DLGAP1: variants seen among roughly 807,000 people sequenced by gnomAD.
DLGAP1 encodes the protein disks large-associated protein 1.
Under a neutral mutation model 90.8 loss-of-function variants are expected in DLGAP1, and 11 were observed. The observed-to-expected ratio is 0.12, with a 90% CI of 0.08 to 0.20. DLGAP1 has a LOEUF of 0.20. Among genes scored for constraint, DLGAP1 ranks in the 10% least tolerant of loss-of-function variants. DLGAP1 has a pLI of 1.00. For synonymous variants in DLGAP1, 558 were observed against 540.7 expected (o/e 1.03, Z -0.44); for missense variants, 1,050 against 1,333.8 (o/e 0.79, Z 3.31).
chr18:4,012,864 A>G (rs896510302), intron 2 of DLGAP1, among the ~76,000 whole-genome samples: 1 of 151,872 alleles, frequency 6.6e-6, no homozygotes, highest in Non-Finnish European at 1.5e-5. Flanking sequence ...ATGGCCAGCT[A>G]ATTAAAAAGA....
chr18:4,216,932 C>T (rs560223000), intron 1 of DLGAP1, among the ~76,000 whole-genome samples: 5 of 152,150 alleles, frequency 3.3e-5, no homozygotes, highest in African/African-American at 1.2e-4. Context: ...TTGTGTTGTA[C>T]AGTTCAAGGA....
At chr18:3,701,373 A>G (rs566146287) in intron 7 of DLGAP1, among the ~76,000 whole-genome samples, 77 of 152,348 alleles carry the variant, frequency 5.1e-4, no homozygotes, top group Non-Finnish European at 1.5e-5. Context: ...TGGGGCCTCC[A>G]AAAGCAATCA....
At chr18:4,337,963 A>G (rs2081109044) in intron 1 of DLGAP1, among the ~76,000 whole-genome samples, 2 of 152,178 alleles carry the variant, frequency 1.3e-5, no homozygotes, top group Admixed American at 1.3e-4. Flanking sequence ...CTTTTAAAAA[A>G]TTATCAGTGG....
chr18:4,210,032 C>T (rs2077809832), intron 1 of DLGAP1, among the ~76,000 whole-genome samples: 1 of 152,190 alleles, frequency 6.6e-6, no homozygotes, highest in African/African-American at 2.4e-5. Flanking sequence ...TTATCTTTAG[C>T]AGTTCTGTTT....
Position 3,666,742 on chromosome 18 carries a change from GT to G in DLGAP1, c.1591+62392del, listed in dbSNP as rs113256912. ...AGATTCTAATCTGTCAATTTAAAAA[GT>G]TTTTTTTTAAACAATTTTTAAATTT... On this transcript the variant is annotated intron_variant, in intron 7 of 12. Coordinates refer to ENST00000315677, the MANE Select transcript of DLGAP1 (RefSeq NM_004746.4). Among the ~76,000 whole-genome samples the G allele has an allele frequency of 1.6e-4, 24 of 151,536 alleles. 1 individual carries two copies. The South Asian group carries it at 1.7e-3, about 11-fold the overall frequency.
chr18:4,209,640 A>C (rs779411775), intron 1 of DLGAP1, among the ~76,000 whole-genome samples: 2 of 152,208 alleles, frequency 1.3e-5, no homozygotes, highest in Non-Finnish European at 2.9e-5. Context: ...GGGGAACAAG[A>C]ACATGTATAA....
At chr18:3,919,027 C>G (rs9946973) in intron 3 of DLGAP1, among the ~76,000 whole-genome samples, 19,059 of 152,144 alleles carry the variant, frequency 0.13, 2,287 homozygotes, top group African/African-American at 0.32. Flanking sequence ...TTGTGACATG[C>G]ACAGTCCAAT....
chr18:4,180,070 T>C (rs988006123), intron 1 of DLGAP1, among the ~76,000 whole-genome samples: 36 of 152,146 alleles, frequency 2.4e-4, no homozygotes, highest in African/African-American at 8.4e-4. Flanking sequence ...AACATGGATC[T>C]CCCTCGTGAT....
At chr18:4,208,614 G>T (rs2077771737) in intron 1 of DLGAP1, among the ~76,000 whole-genome samples, 1 of 152,190 alleles carries the variant, frequency 6.6e-6, no homozygotes, top group Non-Finnish European at 1.5e-5. Context: ...AATAGGGAAA[G>T]ATGGCTAAAT....
At chr18:3,762,855 T>C (rs1213230084) in intron 5 of DLGAP1, among the ~76,000 whole-genome samples, 1 of 152,202 alleles carries the variant, frequency 6.6e-6, no homozygotes, top group African/African-American at 2.4e-5. Flanking sequence ...GTCAGACAAA[T>C]TGTTAATTTC....
At chr18:4,066,742 G>A (rs1346125946) in intron 2 of DLGAP1, among the ~76,000 whole-genome samples, 3 of 151,976 alleles carry the variant, frequency 2.0e-5, no homozygotes, top group African/African-American at 7.2e-5. Context: ...GTAAATTAAT[G>A]TAGCCATTGT....
chr18:3,657,509 C>T (rs931301966), intron 7 of DLGAP1, among the ~76,000 whole-genome samples: 23 of 151,748 alleles, frequency 1.5e-4, no homozygotes, highest in African/African-American at 4.4e-4. Flanking sequence ...TTTGCTGATA[C>T]GAAAGATATG....
chr18:4,083,711 T>G (rs759870424), intron 2 of DLGAP1, among the ~76,000 whole-genome samples: 17 of 152,144 alleles, frequency 1.1e-4, no homozygotes, highest in Non-Finnish European at 2.4e-4. Context: ...CTTGCTTCTT[T>G]CGTGCCCTAG....
At chr18:3,641,419 C>T (rs1049143159) in intron 7 of DLGAP1, among the ~76,000 whole-genome samples, 23 of 151,362 alleles carry the variant, frequency 1.5e-4, no homozygotes, top group African/African-American at 5.6e-4. Context: ...CACCTGTAAT[C>T]CCAGCTACTC....
At chr18:3,753,116 T>C (rs76346524) in intron 5 of DLGAP1, among the ~76,000 whole-genome samples, 2,852 of 152,258 alleles carry the variant, frequency 0.019, 50 homozygotes, top group Middle Eastern at 0.085. Context: ...GGTTAACATA[T>C]TGGCAAAACG....
intron 2 of DLGAP1, among the ~76,000 whole-genome samples, chr18:4,012,977 T>C (rs1028148143): frequency 6.6e-6 from 1 of 152,188 alleles, no homozygotes; most frequent in Non-Finnish European, 1.5e-5. Context: ...AGTCCTGGGA[T>C]TGCAGGTGTG....
intron 1 of DLGAP1, among the ~76,000 whole-genome samples, chr18:4,357,041 C>T (rs189562619): frequency 3.2e-4 from 49 of 151,590 alleles, no homozygotes; most frequent in African/African-American, 1.1e-3. Flanking sequence ...CTCCAAAGGA[C>T]TCATCATCTG....
intron 1 of DLGAP1, among the ~76,000 whole-genome samples, chr18:4,311,811 G>A (rs529862029): frequency 1.2e-4 from 18 of 152,242 alleles, no homozygotes; most frequent in Admixed American, 2.0e-4. Context: ...CACCTCCCGG[G>A]TTCAAGCAAT....
intron 3 of DLGAP1, among the ~76,000 whole-genome samples, chr18:3,946,610 G>T (rs1026043940): frequency 6.6e-6 from 1 of 151,898 alleles, no homozygotes; most frequent in Non-Finnish European, 1.5e-5. Flanking sequence ...AACAATCAGA[G>T]AAACAAACAA....
Sources: allele counts gnomAD v4.1 joint callset (sites outside exome capture counted in the v4.1 genomes callset), GRCh38; gene constraint gnomAD v4.1.1; transcripts MANE v1.5; gene names NCBI Gene and HGNC (gene_info 2026-07-23, HGNC 2026-07-21).